Variants in ACSBG2 observed in about 807,000 individuals in gnomAD.
ACSBG2 encodes acyl-CoA synthetase bubblegum family member 2, also known as long-chain-fatty-acid--CoA ligase ACSBG2.
Under a neutral mutation model 74.7 loss-of-function variants are expected in ACSBG2, and 62 were observed. The observed-to-expected ratio is 0.83, with a 90% confidence interval of 0.68 to 1.03. The LOEUF (loss-of-function observed/expected upper bound fraction) is 1.03. Ranked by LOEUF, ACSBG2 falls within the 50% of genes least tolerant of loss-of-function variation. ACSBG2 has a pLI of 0.00. For synonymous variants in ACSBG2, 309 were observed against 294.1 expected (o/e 1.05, Z -0.52); for missense variants, 730 against 817.6 (o/e 0.89, Z 1.31).
chr19:6,150,885 G>A (rs895825739), intron 3 of ACSBG2, among the ~76,000 whole-genome samples: 6 of 152,074 alleles, frequency 3.9e-5, no homozygotes, highest in African/African-American at 1.2e-4. Context: ...AGGCTGAGGC[G>A]GGAGGATTGC....
rs766056617 is a variant in ACSBG2 at position 6,147,565 on chromosome 19, C to T, written c.187C>T (p.Arg63Ter). 37 of 1,613,958 alleles carry T rather than the reference C, an allele frequency of 2.3e-5. No individual in the cohort carries two copies. The highest frequency in any genetic ancestry group is 1.6e-4 in the Middle Eastern group (1 of 6,084). ...IPEFFRESVN[R>*]FGTYPALASK... ...TGAATTTTTTCGAGAGTCAGTCAAC[C>T]GATTTGGAACTTATCCAGCCCTCGC... Residue 63 changes from arginine (R) to a stop codon, truncating the protein, a stop_gained, in exon 3 of 15, where the codon CGA becomes TGA. Transcript: ENST00000588485. LOFTEE classifies it high-confidence loss of function.
intron 3 of ACSBG2, among the ~76,000 whole-genome samples, chr19:6,150,216 G>T (rs1018232655): frequency 1.3e-5 from 2 of 151,884 alleles, no homozygotes; most frequent in Non-Finnish European, 2.9e-5. Context: ...GAACCCTTGT[G>T]CAGTGCTGGT....
intron 8 of ACSBG2, among the ~76,000 whole-genome samples, chr19:6,181,167 T>G (rs1168109686): frequency 1.5e-5 from 2 of 135,430 alleles, no homozygotes; most frequent in African/African-American, 5.7e-5. Flanking sequence ...AAGGCTGCAG[T>G]GAGCCGAGAT....
intron 3 of ACSBG2, among the ~76,000 whole-genome samples, chr19:6,151,464 T>A (rs2089237173): frequency 6.6e-6 from 1 of 152,076 alleles, no homozygotes; most frequent in Non-Finnish European, 1.5e-5. Context: ...TGTACCACCA[T>A]GCCCGGCGAA....
intron 3 of ACSBG2, among the ~76,000 whole-genome samples, chr19:6,150,653 A>G (rs2089204434): frequency 6.6e-6 from 1 of 152,158 alleles, no homozygotes. Flanking sequence ...TTAGACTCAT[A>G]GAGACAGAAA....
intron 6 of ACSBG2, among the ~76,000 whole-genome samples, chr19:6,165,615 C>A (rs2089769038): frequency 6.6e-6 from 1 of 152,206 alleles, no homozygotes; most frequent in Admixed American, 6.5e-5. Flanking sequence ...TGCGTCCTGA[C>A]ATCATTCCCA....
chr19:6,144,463 A>G (rs1044452533), intron 2 of ACSBG2, among the ~76,000 whole-genome samples: 1 of 152,222 alleles, frequency 6.6e-6, no homozygotes, highest in Non-Finnish European at 1.5e-5. Flanking sequence ...AAGGAATGTC[A>G]AGGATTGCCG....
intron 3 of ACSBG2, among the ~76,000 whole-genome samples, chr19:6,148,009 G>A (rs1335392864): frequency 6.6e-6 from 1 of 152,098 alleles, no homozygotes; most frequent in Admixed American, 6.6e-5. Context: ...CTATGTTTTT[G>A]TTAGTTGCTG....
chr19:6,179,914 A>C (rs895412226), intron 8 of ACSBG2, among the ~76,000 whole-genome samples: 3 of 152,076 alleles, frequency 2.0e-5, no homozygotes, highest in Non-Finnish European at 4.4e-5. Flanking sequence ...CGCCTGGTCC[A>C]TTTATTATCT....
chr19:6,138,793 GAGGGAAGAA>G (rs1037733785), intron 1 of ACSBG2, among the ~76,000 whole-genome samples: 1 of 151,610 alleles, frequency 6.6e-6, no homozygotes, highest in Non-Finnish European at 1.5e-5. Flanking sequence ...AAGTAGAAAG[GAGGGAAGAA>G]AGGGAAGAAG....
intron 3 of ACSBG2, among the ~76,000 whole-genome samples, chr19:6,149,348 GC>G (rs2089153180): frequency 6.6e-6 from 1 of 152,058 alleles, no homozygotes; most frequent in Admixed American, 6.6e-5. Context: ...ATCATTGCCA[GC>G]CGTGATCCCG....
intron 10 of ACSBG2, among the ~76,000 whole-genome samples, chr19:6,184,898 G>A (rs2090363815): frequency 7.6e-6 from 1 of 132,364 alleles, no homozygotes; most frequent in Non-Finnish European, 1.6e-5. Flanking sequence ...AATGCTGCTG[G>A]ATTTTCTTTC....
intron 2 of ACSBG2, among the ~76,000 whole-genome samples, chr19:6,143,231 C>T (rs1028659497): frequency 6.6e-6 from 1 of 151,710 alleles, no homozygotes; most frequent in African/African-American, 2.4e-5. Context: ...TTTAACAAAG[C>T]GCCCCAAAGT....
intron 6 of ACSBG2, among the ~76,000 whole-genome samples, chr19:6,162,149 C>G (rs892855340): frequency 1.3e-5 from 2 of 151,020 alleles, no homozygotes; most frequent in Non-Finnish European, 2.9e-5. Flanking sequence ...GCCTGTAGTC[C>G]CAGCTACTCA....
At chr19:6,184,853 A>AAC (rs2090357046) in intron 10 of ACSBG2, among the ~76,000 whole-genome samples, 1 of 133,818 alleles carries the variant, frequency 7.5e-6, no homozygotes, top group Non-Finnish European at 1.5e-5. Context: ...AAAAAAAAAA[A>AAC]AAAAAAAAAA....
At chr19:6,176,870 C>T (rs1248104112) in intron 7 of ACSBG2, among the ~76,000 whole-genome samples, 1 of 152,066 alleles carries the variant, frequency 6.6e-6, no homozygotes, top group Admixed American at 6.6e-5. Flanking sequence ...TAAAATCGCC[C>T]TCCAGGCTGG....
At chr19:6,164,577 C>A (rs60930048) in intron 6 of ACSBG2, among the ~76,000 whole-genome samples, 6 of 151,896 alleles carry the variant, frequency 4.0e-5, no homozygotes, top group Non-Finnish European at 7.4e-5. Flanking sequence ...GGATTACAGG[C>A]GCCTGCCACC....
intron 5 of ACSBG2, among the ~76,000 whole-genome samples, chr19:6,156,826 C>T (rs1048665800): frequency 4.0e-5 from 6 of 151,442 alleles, no homozygotes. Context: ...ACTCTGTCCC[C>T]AGGCTGGAGT....
intron 7 of ACSBG2, among the ~76,000 whole-genome samples, chr19:6,171,821 A>T (rs1452341136): frequency 2.6e-5 from 4 of 151,240 alleles, no homozygotes; most frequent in Non-Finnish European, 5.9e-5. Flanking sequence ...AAGTTGCTTA[A>T]TTTTTCTTCT....
Sources: allele counts gnomAD v4.1 joint callset (sites outside exome capture counted in the v4.1 genomes callset), GRCh38; gene constraint gnomAD v4.1.1; transcripts MANE v1.5; gene names NCBI Gene and HGNC (gene_info 2026-07-23, HGNC 2026-07-21).